AUTS2: variants seen among roughly 807,000 people sequenced by gnomAD.
AUTS2 encodes the protein activator of transcription and developmental regulator AUTS2.
Under a neutral mutation model 112.4 loss-of-function variants are expected in AUTS2, and 17 were observed. That is an observed-to-expected ratio of 0.15 (90% CI 0.10 to 0.23). The LOEUF is 0.23. Ranked by LOEUF, AUTS2 falls within the 10% of genes least tolerant of loss-of-function variation. AUTS2 has a pLI of 1.00. For missense variants in AUTS2, 1,510 were observed against 1,701.6 expected, an observed-to-expected ratio of 0.89 and a Z score of 1.98; for synonymous variants, 751 against 702.7, an observed-to-expected ratio of 1.07 and a Z score of -1.09.
intron 2 of AUTS2, among the ~76,000 whole-genome samples, chr7:69,919,641 C>A (rs1223285919): frequency 1.3e-5 from 2 of 152,114 alleles, no homozygotes; most frequent in Non-Finnish European, 2.9e-5. Flanking sequence ...TTGTCCTTAA[C>A]CAAGTTATTG....
At chr7:69,954,362 A>G (rs1797138025) in intron 2 of AUTS2, among the ~76,000 whole-genome samples, 1 of 152,134 alleles carries the variant, frequency 6.6e-6, no homozygotes, top group African/African-American at 2.4e-5. Context: ...GCTCACTGCA[A>G]CCTCAAACTC....
At chr7:70,576,935 T>C (rs969740760) in intron 5 of AUTS2, among the ~76,000 whole-genome samples, 1 of 152,094 alleles carries the variant, frequency 6.6e-6, no homozygotes, top group African/African-American at 2.4e-5. Context: ...GTTTGGGAAA[T>C]GCTACTCCAG....
chr7:70,781,238 G>A (rs1392478689), intron 14 of AUTS2, among the ~76,000 whole-genome samples: 1 of 151,930 alleles, frequency 6.6e-6, no homozygotes, highest in Non-Finnish European at 1.5e-5. Context: ...GGAGGCACCT[G>A]TAATCCCAGC....
intron 4 of AUTS2, among the ~76,000 whole-genome samples, chr7:70,299,154 G>A (rs1186474355): frequency 6.6e-6 from 1 of 152,100 alleles, no homozygotes; most frequent in Non-Finnish European, 1.5e-5. Flanking sequence ...CAATGTTTTG[G>A]GCTTGGAGCT....
chr7:69,952,995 A>C (rs943161642), intron 2 of AUTS2, among the ~76,000 whole-genome samples: 1 of 152,126 alleles, frequency 6.6e-6, no homozygotes, highest in African/African-American at 2.4e-5. Context: ...TCCTATGCTC[A>C]AGTTGTGTAG....
intron 1 of AUTS2, among the ~76,000 whole-genome samples, chr7:69,619,250 T>C (rs768563072): frequency 6.6e-6 from 1 of 152,168 alleles, no homozygotes; most frequent in Non-Finnish European, 1.5e-5. Flanking sequence ...TATTTACATA[T>C]TCATTACAAA....
chr7:70,005,026 T>A (rs1474835574), intron 2 of AUTS2, among the ~76,000 whole-genome samples: 1 of 152,050 alleles, frequency 6.6e-6, no homozygotes, highest in Non-Finnish European at 1.5e-5. Context: ...GATTTCACCA[T>A]GTTGGCCAGG....
intron 4 of AUTS2, among the ~76,000 whole-genome samples, chr7:70,434,602 A>G (rs917631508): frequency 1.3e-5 from 2 of 152,172 alleles, no homozygotes; most frequent in African/African-American, 4.8e-5. Flanking sequence ...TGGGTTAGAC[A>G]GTGGAATGGC....
chr7:70,523,466 T>G (rs1474381393), intron 5 of AUTS2, among the ~76,000 whole-genome samples: 1 of 152,206 alleles, frequency 6.6e-6, no homozygotes, highest in Non-Finnish European at 1.5e-5. Flanking sequence ...AAATCAGAAG[T>G]GCAAGTGGTA....
At chr7:70,041,322 A>G (rs1801237605) in intron 2 of AUTS2, among the ~76,000 whole-genome samples, 4 of 152,136 alleles carry the variant, frequency 2.6e-5, no homozygotes, top group Admixed American at 2.6e-4. Context: ...CATGCATTCA[A>G]TTCATTTTAC....
intron 6 of AUTS2, among the ~76,000 whole-genome samples, chr7:70,752,251 G>A (rs1788913560): frequency 6.6e-6 from 1 of 152,056 alleles, no homozygotes; most frequent in Non-Finnish European, 1.5e-5. Flanking sequence ...GCTGGCAGGA[G>A]GATACAAGCA....
intron 4 of AUTS2, chr7:70,291,791 G>A (rs1031802408): frequency 6.6e-6 from 1 of 152,118 alleles, no homozygotes; most frequent in African/African-American, 2.4e-5. Context: ...AAATGGACTA[G>A]TAAGCTTGAG....
intron 10 of AUTS2, 116 bp from the exon 11 acceptor site, chr7:70,771,433 T>C: frequency 1.3e-6 from 1 of 751,922 alleles, no homozygotes; most frequent in Non-Finnish European, 2.1e-6. Context: ...ACTAATGGCA[T>C]CAAACTGAGA....
intron 5 of AUTS2, among the ~76,000 whole-genome samples, chr7:70,693,659 A>G (rs1808874996): frequency 6.6e-6 from 1 of 152,246 alleles, no homozygotes; most frequent in Non-Finnish European, 1.5e-5. Context: ...TTTTACATAC[A>G]TGACTTTACC....
At chr7:70,211,268 TTC>T (rs1011982520) in intron 4 of AUTS2, among the ~76,000 whole-genome samples, 1 of 152,148 alleles carries the variant, frequency 6.6e-6, no homozygotes, top group Non-Finnish European at 1.5e-5. Flanking sequence ...ACCTTTTTCT[TTC>T]TGTCTTCTTA....
At chr7:70,491,419 TAC>T (rs141971563) in intron 5 of AUTS2, among the ~76,000 whole-genome samples, 29,464 of 140,126 alleles carry the variant, frequency 0.21, 3,720 homozygotes, top group African/African-American at 0.31. Context: ...CGTGTGTGTA[TAC>T]ACACACACAC....
At chr7:70,591,776 G>A (rs1802962449) in intron 5 of AUTS2, among the ~76,000 whole-genome samples, 1 of 152,160 alleles carries the variant, frequency 6.6e-6, no homozygotes, top group African/African-American at 2.4e-5. Flanking sequence ...CTACGCATGT[G>A]TCAGGGCTAT....
chr7:69,908,407 T>G (rs927220897), intron 2 of AUTS2, among the ~76,000 whole-genome samples: 3 of 152,250 alleles, frequency 2.0e-5, no homozygotes, highest in Non-Finnish European at 4.4e-5. Flanking sequence ...CAGGCAGATA[T>G]AACTTTGTTA....
At chr7:70,683,351 G>A (rs189233354) in intron 5 of AUTS2, among the ~76,000 whole-genome samples, 144 of 152,254 alleles carry the variant, frequency 9.5e-4, no homozygotes, top group African/African-American at 3.2e-3. Context: ...TCATTGATCT[G>A]ACCACTGCGT....
Sources: gnomAD v4.1 joint callset for allele counts (sites outside exome capture counted in the v4.1 genomes callset) on GRCh38, gnomAD v4.1.1 for gene constraint, MANE v1.5 for transcripts, NCBI Gene and HGNC (gene_info 2026-07-23, HGNC 2026-07-21) for gene names.